The following PC variants were observed in gnomAD, a reference collection of about 807,000 sequenced individuals.
PC encodes the protein pyruvate carboxylase, also known as pyruvate carboxylase, mitochondrial.
Under a neutral mutation model 107.8 loss-of-function variants are expected in PC, and 46 were observed. The ratio of observed to expected loss-of-function variants is 0.43; its 90% CI spans 0.34 to 0.55. The LOEUF (loss-of-function observed/expected upper bound fraction) is 0.55, where lower values mean the gene tolerates loss of function less well. PC is among the 20% of genes least tolerant of loss of function. The pLI is 0.04. For synonymous variants in PC, 662 were observed against 684.7 expected (o/e 0.97, Z 0.52); for missense variants, 1,241 against 1,643.1 (o/e 0.76, Z 4.23).
At chr11:66,913,217 G>A (rs941366790) in intron 3 of PC, among the ~76,000 whole-genome samples, 1 of 151,812 alleles carries the variant, frequency 6.6e-6, no homozygotes, top group African/African-American at 2.4e-5. Context: ...TGGTTCAGGC[G>A]CAGAGCTGCT....
At chr11:66,921,073 G>A (rs969636526) in intron 3 of PC, among the ~76,000 whole-genome samples, 5 of 150,716 alleles carry the variant, frequency 3.3e-5, no homozygotes, top group Non-Finnish European at 5.9e-5. Context: ...CAAGGGCAAC[G>A]TGGCTGAGGA....
At chr11:66,916,864 G>T (rs1237179277) in intron 3 of PC, among the ~76,000 whole-genome samples, 1 of 152,044 alleles carries the variant, frequency 6.6e-6, no homozygotes, top group African/African-American at 2.4e-5. Context: ...TAAGGCAGGA[G>T]AATGGCGTGA....
Position 66,858,331 on chromosome 11 carries a change from C to G in PC, c.1369-4948G>C. 6.2e-7 allele frequency: 1 copy of G among 1,606,212 alleles called. No individual in the cohort carries two copies. Among genetic ancestry groups the G allele is most frequent in the Non-Finnish European group, 8.5e-7 (1 of 1,178,670 alleles). ...GCCTTCGCCCAGCTCGGTCAGCTCT[C>G]CCGCCTGGACCTCACCTCCAACCGC... On this transcript the variant is annotated intron_variant, in intron 12 of 22. Transcript: ENST00000393960. The surrounding 1 kb of genome is among the most constrained non-coding windows in gnomAD (Gnocchi z 5.9).
At position 66,852,834 on chromosome 11, in the gene PC, G is replaced by A. The variant is rs45461300; in HGVS notation, c.1516C>T (p.His506Tyr). ...GTGGTTGGACCGTTTACCATGACAT[G>A]GCCTGGGGAGAAAGCGGGCAGTGGG... ...RAQKLLHYLGHVMVNGPTTPI... is the reference protein window; with the variant it reads ...RAQKLLHYLGYVMVNGPTTPI... Residue 506 changes from histidine (H) to tyrosine (Y), a missense_variant and splice_region_variant, in exon 14 of 23, where the codon CAT becomes TAT. Around this residue, in one of 2 missense-constraint regions of PC, gnomAD observed 1,143 missense variants for 1,551.9 expected, o/e 0.74. Transcript: ENST00000393960. This position sits in a 1 kb window ranked among gnomAD's most constrained non-coding sequence, Gnocchi z 4.7. 9 of 1,563,484 alleles carry A rather than the reference G, an allele frequency of 5.8e-6. No individual in the cohort carries two copies. The East Asian group carries it at 2.0e-4, about 35-fold the overall frequency.
intron 3 of PC, among the ~76,000 whole-genome samples, chr11:66,946,092 C>CAAAAAAAAAAAAA (rs757767116): frequency 1.5e-5 from 1 of 66,076 alleles, no homozygotes; most frequent in African/African-American, 5.3e-5. Flanking sequence ...GACTCCGTCT[C>CAAAAAAAAAAAAA]AAAAAAAAAA....
chr11:66,944,573 C>T (rs1949242004), intron 3 of PC, among the ~76,000 whole-genome samples: 1 of 116,400 alleles, frequency 8.6e-6, no homozygotes, highest in Non-Finnish European at 1.9e-5. Context: ...GCAAGACTGT[C>T]TCAAAAAATA....
chr11:66,858,550 G>A lies in PC; in HGVS notation c.1369-5167C>T. 1 of 1,533,774 alleles carries A rather than the reference G, an allele frequency of 6.5e-7. No individual in the cohort carries two copies. The highest frequency in any genetic ancestry group is 8.7e-7 in the Non-Finnish European group (1 of 1,145,048). On this transcript the variant is annotated intron_variant, in intron 12 of 22. Transcript: ENST00000393960. This position sits in a 1 kb window ranked among gnomAD's most constrained non-coding sequence, Gnocchi z 5.9. ...CCCGGCCTGGCCGGCCGCTACTTCT[G>A]GGCAGTGCCCGAGGGCGAGTTCTCC...
In PC at chr11:66,850,212, G is replaced by A. The variant is rs375215292; in HGVS notation, c.2718+8C>T. ...TGGGTCAGGTAAGGAGCACCGGGCC[G>A]GGCTCACCTTGATGAGATCGCCCAG... On this transcript the variant is annotated splice_region_variant and intron_variant, in intron 19 of 22. Transcript: ENST00000393960. 13 of 1,613,804 alleles carry A rather than the reference G, an allele frequency of 8.1e-6. No individual in the cohort carries two copies. In the East Asian group the frequency reaches 8.9e-5, roughly 11 times the overall value.
chr11:66,925,784 G>C (rs1328001147), intron 3 of PC, among the ~76,000 whole-genome samples: 1 of 152,132 alleles, frequency 6.6e-6, no homozygotes, highest in Non-Finnish European at 1.5e-5. Context: ...TTGCAGTAAA[G>C]ATAGACATAA....
intron 3 of PC, among the ~76,000 whole-genome samples, chr11:66,883,167 G>A (rs920222609): frequency 1.3e-5 from 2 of 152,210 alleles, no homozygotes; most frequent in African/African-American, 4.8e-5. Flanking sequence ...AGCAGCCGAG[G>A]GGGAAAGGGT....
chr11:66,921,350 G>A lies in PC; in HGVS notation c.-1+31080C>T, dbSNP rs146347680. Among the ~76,000 whole-genome samples the A allele has an allele frequency of 1.3e-4, 20 of 152,260 alleles. No individual in the cohort carries two copies. The East Asian group carries it at 3.8e-3, about 29-fold the overall frequency. On this transcript the variant is annotated intron_variant, in intron 3 of 22. Coordinates refer to ENST00000393960, the MANE Select transcript of PC (RefSeq NM_001040716.2). ...AAATAAAAGGAAAAAGAGAACAGAG[G>A]CCAAGGATAATTTTGTAAAACAGAT... is the stretch of plus-strand genomic sequence containing the variant.
intron 3 of PC, among the ~76,000 whole-genome samples, chr11:66,949,652 G>C (rs1949391902): frequency 6.6e-6 from 1 of 152,054 alleles, no homozygotes; most frequent in African/African-American, 2.4e-5. Flanking sequence ...GATCGCGACA[G>C]AGCGAGACTC....
At position 66,869,065 on chromosome 11, in the gene PC, C is replaced by G. The variant is rs556761983; in HGVS notation, c.904-101G>C. ...TCCGTCCCACCCATTGGGTTGGTTC[C>G]GTAAAAGAATGGCCTGTGGCAAACC... On this transcript the variant is annotated intron_variant, in intron 9 of 22. Transcript: ENST00000393960. 2.7e-5 allele frequency: 24 copies of G among 901,772 alleles called. No homozygotes were observed. In the South Asian group the frequency reaches 3.5e-4, roughly 13 times the overall value. 55.9% of individuals were successfully genotyped at this position (901,772 alleles called of 1,614,324 possible).
chr11:66,860,184 A>T (rs1490882497), intron 12 of PC: 13 of 1,545,162 alleles, frequency 8.4e-6, no homozygotes, highest in Non-Finnish European at 1.1e-5. Context: ...GCTGGAAGAG[A>T]GTGTGGTGTG....
intron 10 of PC, among the ~76,000 whole-genome samples, chr11:66,867,809 T>C (rs186913382): frequency 1.3e-5 from 2 of 152,226 alleles, no homozygotes; most frequent in African/African-American, 4.8e-5. Flanking sequence ...GGCCAAAGTG[T>C]TGGCCTTGTC....
At chr11:66,950,097 G>A (rs1302994445) in intron 3 of PC, among the ~76,000 whole-genome samples, 1 of 152,168 alleles carries the variant, frequency 6.6e-6, no homozygotes, top group African/African-American at 2.4e-5. Context: ...GCATGTACAT[G>A]AGAAGAGGCT....
At chr11:66,892,854 C>CA (rs36052850) in intron 3 of PC, among the ~76,000 whole-genome samples, 4,143 of 133,098 alleles carry the variant, frequency 0.031, 84 homozygotes, top group East Asian at 0.055. Flanking sequence ...GACTCCATCT[C>CA]AAAAAAAAAA....
At chr11:66,864,022 C>T (rs1270862710) in intron 11 of PC, 66 bp from the exon 12 acceptor site, 7 of 1,536,382 alleles carry the variant, frequency 4.6e-6, no homozygotes, top group East Asian at 2.2e-5. Flanking sequence ...CCACCCACCC[C>T]GAGGCTGGCC....
chr11:66,869,089 C>T, intron 9 of PC, 125 bp from the exon 10 acceptor site: 1 of 729,372 alleles, frequency 1.4e-6, no homozygotes, highest in Non-Finnish European at 2.4e-6. Context: ...CTGTGGCAAA[C>T]CCTGCCCCCA....
Sources: allele counts gnomAD v4.1 joint callset (sites outside exome capture counted in the v4.1 genomes callset), GRCh38; gene constraint gnomAD v4.1.1; regional missense constraint gnomAD v4.1.1; non-coding constraint Gnocchi (gnomAD v3.1); transcripts MANE v1.5; gene names NCBI Gene and HGNC (gene_info 2026-07-23, HGNC 2026-07-21).